The following ANKRD30B variants were observed in gnomAD, a reference collection of about 807,000 sequenced individuals.
The protein encoded by ANKRD30B is ankyrin repeat domain-containing protein 30B.
Under a neutral mutation model 202.2 loss-of-function variants are expected in ANKRD30B, and 144 were observed. The ratio of observed to expected loss-of-function variants is 0.71; its 90% CI spans 0.62 to 0.82. The LOEUF (loss-of-function observed/expected upper bound fraction) is 0.82. ANKRD30B is among the 40% of genes least tolerant of loss of function. The probability of loss-of-function intolerance (pLI) is 0.00; values close to 1 mark genes in which losing one functional copy is unlikely to be tolerated. For missense variants in ANKRD30B, 1,487 were observed against 1,669.1 expected (o/e 0.89, Z 1.90); for synonymous variants, 508 against 561.3 (o/e 0.91, Z 1.34).
At position 14,854,249 on chromosome 18, in the gene ANKRD30B, A is replaced by C. The variant is rs368668845; in HGVS notation, c.*91A>C. On this transcript the variant is annotated 3_prime_UTR_variant, in exon 44 of 44. Coordinates refer to ENST00000690538, the MANE Select transcript of ANKRD30B (RefSeq NM_001367607.2). ...TTCTTTTTCCATTTTAAAGTTAAAC[A>C]AGAAGAAAAGGTAAAATGAAAAGAA... is the stretch of plus-strand genomic sequence containing the variant. Among the ~76,000 whole-genome samples, 18 of 152,264 alleles carry C rather than the reference A, an allele frequency of 1.2e-4. No individual in the cohort carries two copies. In the East Asian group the frequency reaches 1.4e-3, roughly 11 times the overall value.
chr18:14,913,962 C>T, the ANKRD30B span, among the ~76,000 whole-genome samples: 10 of 152,108 alleles, frequency 6.6e-5, no homozygotes, highest in Non-Finnish European at 1.3e-4. Flanking sequence ...AATTTTGTTC[C>T]TGTTTTATAG....
the ANKRD30B span, among the ~76,000 whole-genome samples, chr18:14,930,858 T>A: frequency 5.9e-5 from 9 of 152,190 alleles, no homozygotes; most frequent in African/African-American, 2.2e-4. Flanking sequence ...CTCTGATAAT[T>A]TTCTGCTAAC....
chr18:14,844,770 G>T, intron 39 of ANKRD30B, among the ~76,000 whole-genome samples: 1 of 152,016 alleles, frequency 6.6e-6, no homozygotes, highest in Middle Eastern at 3.4e-3. Flanking sequence ...TTTAATGATC[G>T]CCATTCTAAC....
chr18:14,822,422 A>T lies in ANKRD30B; in HGVS notation c.2642-61A>T, dbSNP rs1279076667. Reference sequence around the variant, plus strand: ...TCATCTTCATATTCACACTGCATGAATGTTTGGTAGACTTTGACAGGCTTG... The same window carrying T: ...TCATCTTCATATTCACACTGCATGATTGTTTGGTAGACTTTGACAGGCTTG... On this transcript the variant is annotated intron_variant, in intron 30 of 43. Transcript: ENST00000690538. 4.3e-6 allele frequency: 4 copies of T among 937,978 alleles called. No homozygotes were observed. The East Asian group carries it at 1.1e-4, about 26-fold the overall frequency. The allele number at this position is 937,978 out of a possible 1,614,324, so 58.1% of individuals were successfully genotyped here.
rs1448616702 is a variant in ANKRD30B at position 14,843,115 on chromosome 18, C to T, written c.3181+19C>T. 6.3e-7 allele frequency: 1 copy of T among 1,595,802 alleles called. No individual in the cohort carries two copies. Among genetic ancestry groups the T allele is most frequent in the African/African-American group, 1.3e-5 (1 of 74,116 alleles). ...AGAGCAGGTAAATTTTACAGTTCAA[C>T]TATATTAAAATGAATATTTCAATAG... On this transcript the variant is annotated intron_variant, in intron 39 of 43. Transcript: ENST00000690538.
At chr18:14,855,261 T>C (rs921067620), downstream of ANKRD30B, among the ~76,000 whole-genome samples, 1 of 152,224 alleles carries the variant, frequency 6.6e-6, no homozygotes, top group African/African-American at 2.4e-5. Context: ...GGCAGAAGAA[T>C]TTCTCTTAGT....
intron 20 of ANKRD30B, among the ~76,000 whole-genome samples, chr18:14,798,206 A>G (rs1428304097): frequency 7.4e-5 from 11 of 148,750 alleles, no homozygotes; most frequent in African/African-American, 2.7e-4. Flanking sequence ...CGTGGTGCCA[A>G]CAATTCACTG....
At position 14,769,495 on chromosome 18, in the gene ANKRD30B, A is replaced by G. The variant is rs569962786; in HGVS notation, c.1256+122A>G. 3.5e-5 allele frequency: 25 copies of G among 721,836 alleles called. No individual in the cohort carries two copies. In the African/African-American group the frequency reaches 3.8e-4, roughly 11 times the overall value. The allele number at this position is 721,836 out of a possible 1,614,324, so 44.7% of individuals were successfully genotyped here. ...ACATATTATGTGCTTAATATTTATC[A>G]TCTCACATAGTCATCACACAGCTTT... On this transcript the variant is annotated intron_variant, in intron 8 of 43. Transcript: ENST00000690538.
At chr18:14,794,192 TA>T (rs1302658593) in intron 16 of ANKRD30B, among the ~76,000 whole-genome samples, 1 of 152,022 alleles carries the variant, frequency 6.6e-6, no homozygotes, top group East Asian at 1.9e-4. Context: ...AAAAGTAATT[TA>T]AAAAAATAAC....
intron 28 of ANKRD30B, among the ~76,000 whole-genome samples, chr18:14,811,377 C>T (rs1969913582): frequency 6.6e-6 from 1 of 150,738 alleles, no homozygotes; most frequent in South Asian, 2.1e-4. Context: ...ACGCCTGGCT[C>T]ATTCTTTGTA....
chr18:14,930,279 C>T, the ANKRD30B span, among the ~76,000 whole-genome samples: 1 of 151,226 alleles, frequency 6.6e-6, no homozygotes, highest in African/African-American at 2.4e-5. Context: ...TCAGTGAGGC[C>T]TTCCTTGAGT....
At chr18:14,860,789 C>T in the ANKRD30B span, among the ~76,000 whole-genome samples, 3 of 152,022 alleles carry the variant, frequency 2.0e-5, no homozygotes, top group Non-Finnish European at 4.4e-5. Flanking sequence ...ACTGCAACCT[C>T]TGCTTCCTGG....
chr18:14,921,369 T>C, the ANKRD30B span, among the ~76,000 whole-genome samples: 1 of 148,372 alleles, frequency 6.7e-6, no homozygotes, highest in Non-Finnish European at 1.5e-5. Flanking sequence ...TAATTGCCTG[T>C]TGTGGTGGGT....
At chr18:14,767,563 G>A (rs954735004) in intron 7 of ANKRD30B, among the ~76,000 whole-genome samples, 8 of 152,156 alleles carry the variant, frequency 5.3e-5, no homozygotes, top group African/African-American at 1.4e-4. Context: ...TCAGGTGAAT[G>A]AGGTAGGAGT....
chr18:14,865,671 C>G, the ANKRD30B span, among the ~76,000 whole-genome samples: 1 of 150,832 alleles, frequency 6.6e-6, no homozygotes, highest in Non-Finnish European at 1.5e-5. Flanking sequence ...CCTTCTCCAG[C>G]TCACCATCCT....
chr18:14,902,521 T>C, the ANKRD30B span, among the ~76,000 whole-genome samples: 2 of 152,224 alleles, frequency 1.3e-5, no homozygotes, highest in East Asian at 3.9e-4. Flanking sequence ...ATTCTGGCTG[T>C]ACTTTAGTCA....
At chr18:14,866,241 GGGAGCTGGAGGCT>G in the ANKRD30B span, among the ~76,000 whole-genome samples, 1 of 152,352 alleles carries the variant, frequency 6.6e-6, no homozygotes, top group South Asian at 2.1e-4. Context: ...CAGGAGAAGG[GGGAGCTGGAGGCT>G]GGAGCCTGTA....
In ANKRD30B at chr18:14,748,266, T is replaced by C. The variant is rs543041895; in HGVS notation, c.-154T>C. 3 of 576,018 alleles carry C rather than the reference T, an allele frequency of 5.2e-6. 1 individual carries two copies. The highest frequency in any genetic ancestry group is 8.9e-6 in the Non-Finnish European group (3 of 336,898). The allele number at this position is 576,018 out of a possible 1,614,324, so 35.7% of individuals were successfully genotyped here. ...AAGAGCTTGGCGATACAGAAATTTCTGCTGGTGTTGGGGCGGGTGCGGGAA... is the reference window on the plus strand; with the variant it reads ...AAGAGCTTGGCGATACAGAAATTTCCGCTGGTGTTGGGGCGGGTGCGGGAA... On this transcript the variant is annotated 5_prime_UTR_variant, in exon 1 of 44. Coordinates refer to ENST00000690538, the MANE Select transcript of ANKRD30B (RefSeq NM_001367607.2).
the ANKRD30B span, among the ~76,000 whole-genome samples, chr18:14,890,927 G>A: frequency 3.9e-5 from 6 of 152,004 alleles, no homozygotes; most frequent in African/African-American, 1.2e-4. Context: ...CATAAGAATG[G>A]TAACTTACTA....
Sources: gnomAD v4.1 joint callset for allele counts (sites outside exome capture counted in the v4.1 genomes callset) on GRCh38, gnomAD v4.1.1 for gene constraint, MANE v1.5 for transcripts, NCBI Gene and HGNC (gene_info 2026-07-23, HGNC 2026-07-21) for gene names.